ATP11B: variants seen among roughly 807,000 people sequenced by gnomAD.
ATP11B encodes the protein phospholipid-transporting ATPase IF.
A neutral mutation model predicts 157.8 loss-of-function variants in ATP11B; 81 were observed. That is an observed-to-expected ratio of 0.51 (90% CI 0.43 to 0.62). ATP11B has a LOEUF of 0.62. Ranked by LOEUF, ATP11B falls within the 20% of genes least tolerant of loss-of-function variation. The pLI is 0.00. For missense variants in ATP11B, 1,165 were observed against 1,402.2 expected, an observed-to-expected ratio of 0.83 and a Z score of 2.70; for synonymous variants, 451 against 469.4, an observed-to-expected ratio of 0.96 and a Z score of 0.51.
At chr3:182,859,682 T>A (rs1720685545) in intron 12 of ATP11B, among the ~76,000 whole-genome samples, 1 of 152,172 alleles carries the variant, frequency 6.6e-6, no homozygotes, top group South Asian at 2.1e-4. Context: ...ATATCACAAT[T>A]TGGGATTTAA....
chr3:182,815,381 G>T (rs1373845031), intron 1 of ATP11B, among the ~76,000 whole-genome samples: 1 of 151,982 alleles, frequency 6.6e-6, no homozygotes, highest in Non-Finnish European at 1.5e-5. Flanking sequence ...TACTGAATAG[G>T]TATAATTTAT....
At chr3:182,906,839 A>T (rs1375787989) in intron 28 of ATP11B, among the ~76,000 whole-genome samples, 1 of 151,758 alleles carries the variant, frequency 6.6e-6, no homozygotes, top group Admixed American at 6.6e-5. Context: ...CTGTAATCCC[A>T]GCACTTTGGG....
At chr3:182,916,111 T>C (rs1725125483) in intron 29 of ATP11B, 1 of 985,298 alleles carries the variant, frequency 1.0e-6, no homozygotes. Context: ...AAAATTGCCA[T>C]AGATGCATCA....
chr3:182,914,050 G>A (rs774600897), intron 29 of ATP11B, 56 bp downstream of exon 29: 3 of 1,597,188 alleles, frequency 1.9e-6, no homozygotes, highest in Non-Finnish European at 2.6e-6. Flanking sequence ...TCTGGAACAG[G>A]ATGAACCTGC....
chr3:182,820,255 C>A lies in ATP11B; in HGVS notation c.28-5C>A. On this transcript the variant is annotated splice_polypyrimidine_tract_variant and splice_region_variant and intron_variant, in intron 1 of 29. Coordinates refer to ENST00000323116, the MANE Select transcript of ATP11B (RefSeq NM_014616.3). ...TTTCTTTTTCTCTTGCTTGATTGGT[C>A]TTAGGGTTTTGACCCACCACATCAG... The A allele has an allele frequency of 1.3e-6, 2 of 1,598,656 alleles. No individual in the cohort carries two copies. The highest frequency in any genetic ancestry group is 1.3e-5 in the African/African-American group (1 of 74,676).
chr3:182,855,689 A>G (rs1720340525), intron 10 of ATP11B, among the ~76,000 whole-genome samples: 1 of 152,144 alleles, frequency 6.6e-6, no homozygotes, highest in African/African-American at 2.4e-5. Flanking sequence ...TAATTCAGTG[A>G]TCCAATTAGA....
intron 6 of ATP11B, chr3:182,836,737 A>G (rs1428240930): frequency 2.1e-6 from 1 of 486,950 alleles, no homozygotes; most frequent in African/African-American, 2.0e-5. Context: ...TACTTTTAAA[A>G]GATAAGGGAC....
At chr3:182,830,303 A>G (rs1718034952) in intron 4 of ATP11B, among the ~76,000 whole-genome samples, 1 of 151,078 alleles carries the variant, frequency 6.6e-6, no homozygotes, top group African/African-American at 2.4e-5. Context: ...CACCTGGTTG[A>G]CAGAGTGAGA....
At chr3:182,893,935 G>A (rs1723344178) in intron 25 of ATP11B, among the ~76,000 whole-genome samples, 1 of 152,144 alleles carries the variant, frequency 6.6e-6, no homozygotes, top group Admixed American at 6.5e-5. Flanking sequence ...TTCCCAGGTA[G>A]TGATGTTGAG....
chr3:182,857,995 C>T lies in ATP11B; in HGVS notation c.969C>T (p.Asn323=). 1 of 1,610,410 alleles carries T rather than the reference C, an allele frequency of 6.2e-7. No individual in the cohort carries two copies. Among genetic ancestry groups the T allele is most frequent in the African/African-American group, 1.3e-5 (1 of 74,894 alleles). ...AAAAATGGGATGAACCTTGGTATAA[C>T]CAAAAAACAGAACATCAAAGAAATA... ...AEEKWDEPWY[N]QKTEHQRNSS... Residue 323 remains asparagine (N), a synonymous_variant, in exon 11 of 30, where the codon AAC becomes AAT. Coordinates refer to ENST00000323116, the MANE Select transcript of ATP11B (RefSeq NM_014616.3).
chr3:182,801,323 G>C (rs983218217), intron 1 of ATP11B, among the ~76,000 whole-genome samples: 2 of 152,182 alleles, frequency 1.3e-5, no homozygotes, highest in African/African-American at 4.8e-5. Flanking sequence ...GATATGCATA[G>C]GTATCAATCA....
chr3:182,895,820 G>C (rs552518663), intron 25 of ATP11B, among the ~76,000 whole-genome samples: 1 of 152,134 alleles, frequency 6.6e-6, no homozygotes. Context: ...ATGTTCCCAT[G>C]ATGAGGCAGT....
chr3:182,797,374 C>T (rs756554468), intron 1 of ATP11B, among the ~76,000 whole-genome samples: 16 of 152,122 alleles, frequency 1.1e-4, no homozygotes, highest in African/African-American at 2.7e-4. Context: ...GTTATTCTTA[C>T]GTATAAAATA....
rs201824490 is a variant in ATP11B at position 182,898,625 on chromosome 3, G to C, written c.3171G>C (p.Gln1057His). The change falls in exon 28 of 30, where the codon CAG (glutamine) becomes CAC (histidine). Residue 1057 changes from glutamine (Q) to histidine (H), a missense_variant. This residue lies in a region of ATP11B where 303 missense variants were observed against 296.3 expected (regional missense o/e 1.02). Transcript: ENST00000323116. ...GGILWPFLGS[Q>H]NMYFVFIQLL... Reference sequence around the variant, plus strand: ...TTTGCAGGCCATTTTTGGGCTCCCAGAATATGTATTTTGTGTTTATTCAGC... The same window carrying C: ...TTTGCAGGCCATTTTTGGGCTCCCACAATATGTATTTTGTGTTTATTCAGC... The C allele has an allele frequency of 6.3e-6, 10 of 1,597,630 alleles. No homozygotes were observed. The African/African-American group carries it at 1.3e-4, about 22-fold the overall frequency.
At chr3:182,833,033 T>C (rs1435041218) in intron 4 of ATP11B, among the ~76,000 whole-genome samples, 2 of 152,072 alleles carry the variant, frequency 1.3e-5, no homozygotes, top group Non-Finnish European at 2.9e-5. Flanking sequence ...AATTGTGATA[T>C]GATAATCACT....
At chr3:182,917,747 T>A (rs1725232387) in intron 29 of ATP11B, 2 of 984,634 alleles carry the variant, frequency 2.0e-6, no homozygotes, top group Non-Finnish European at 2.4e-6. Flanking sequence ...TAAAAGCAGC[T>A]CATGCTTTAC....
chr3:182,854,210 C>T (rs978495308), intron 10 of ATP11B, among the ~76,000 whole-genome samples: 1 of 152,144 alleles, frequency 6.6e-6, no homozygotes, highest in African/African-American at 2.4e-5. Context: ...TGGCTCACAC[C>T]AGTAATCCCA....
intron 1 of ATP11B, among the ~76,000 whole-genome samples, chr3:182,814,805 C>T (rs1282515394): frequency 1.3e-5 from 2 of 152,144 alleles, no homozygotes; most frequent in East Asian, 3.9e-4. Flanking sequence ...AAGACCTGAT[C>T]TCAAAAGAAT....
In ATP11B at chr3:182,866,453, T is replaced by A. The variant is rs1721240706; in HGVS notation, c.1619+10T>A. On this transcript the variant is annotated intron_variant, in intron 14 of 29. Transcript: ENST00000323116. ...TAGAAGCTGCTGCAAGGTAATTTAG[T>A]CTGATTTCCAAATCTTCGGAAAAAC... 6.4e-7 allele frequency: 1 copy of A among 1,570,388 alleles called. No homozygotes were observed. The highest frequency in any genetic ancestry group is 8.7e-7 in the Non-Finnish European group (1 of 1,153,154).
Sources: gnomAD v4.1 joint callset for allele counts (sites outside exome capture counted in the v4.1 genomes callset) on GRCh38, gnomAD v4.1.1 for gene constraint, gnomAD v4.1.1 regional missense constraint, MANE v1.5 for transcripts, NCBI Gene and HGNC (gene_info 2026-07-23, HGNC 2026-07-21) for gene names.